Variants in PSMB7 observed in about 807,000 individuals in gnomAD.
PSMB7 encodes the protein proteasome subunit beta type-7.
In PSMB7, 5 loss-of-function variants were observed where a neutral mutation model predicts 28.1. The observed-to-expected ratio is 0.18, with a 90% CI of 0.09 to 0.37. The LOEUF (loss-of-function observed/expected upper bound fraction) is 0.37. Ranked by LOEUF, PSMB7 falls within the 10% of genes least tolerant of loss-of-function variation. The probability of loss-of-function intolerance (pLI) is 1.00; values close to 1 mark genes in which losing one functional copy is unlikely to be tolerated. For synonymous variants in PSMB7, 122 were observed against 123.7 expected, an observed-to-expected ratio of 0.99 and a Z score of 0.09; for missense variants, 275 against 346.2, an observed-to-expected ratio of 0.79 and a Z score of 1.63.
chr9:124,397,342 G>A lies in PSMB7; in HGVS notation c.511+7975C>T, dbSNP rs984384321. 1.8e-4 allele frequency among the ~76,000 whole-genome samples: 27 copies of A among 152,288 alleles called. 3 individuals carry two copies. The highest frequency in any genetic ancestry group is 1.0e-3 in the Admixed American group (16 of 15,296). On this transcript the variant is annotated intron_variant, in intron 5 of 7. Transcript: ENST00000259457. ...GGTTTTAGGGCAGAAACTGTCCAGGGGCCACACCACCAGGAGTCTGATATA... is the reference window on the plus strand; with the variant it reads ...GGTTTTAGGGCAGAAACTGTCCAGGAGCCACACCACCAGGAGTCTGATATA...
intron 4 of PSMB7, among the ~76,000 whole-genome samples, chr9:124,409,662 G>C (rs1260117803): frequency 6.6e-6 from 1 of 152,146 alleles, no homozygotes. Flanking sequence ...CTACGCAGTA[G>C]GCTCTGTAGT....
chr9:124,357,145 A>G (rs1366468151), intron 6 of PSMB7, among the ~76,000 whole-genome samples: 1 of 152,164 alleles, frequency 6.6e-6, no homozygotes, highest in East Asian at 1.9e-4. Flanking sequence ...TGACCACATC[A>G]GACAATCACC....
chr9:124,370,270 G>A (rs972561494), intron 6 of PSMB7, among the ~76,000 whole-genome samples: 1 of 149,900 alleles, frequency 6.7e-6, no homozygotes, highest in African/African-American at 2.5e-5. Context: ...AGGTATCCAG[G>A]GTATATTTGT....
intron 5 of PSMB7, among the ~76,000 whole-genome samples, chr9:124,402,037 A>G (rs1404455622): frequency 6.6e-6 from 1 of 150,888 alleles, no homozygotes; most frequent in Non-Finnish European, 1.5e-5. Flanking sequence ...AAAAAAGCTG[A>G]TAAATGAGTG....
At chr9:124,384,717 T>G in intron 5 of PSMB7, 61 bp from the exon 6 acceptor site, 1 of 1,538,500 alleles carries the variant, frequency 6.5e-7, no homozygotes, top group South Asian at 1.1e-5. Context: ...CCATCTCAAG[T>G]TTACCTAGGG....
chr9:124,357,848 G>A (rs1450280104), intron 6 of PSMB7, among the ~76,000 whole-genome samples: 1 of 152,196 alleles, frequency 6.6e-6, no homozygotes, highest in Admixed American at 6.5e-5. Flanking sequence ...TAAAGAGCAC[G>A]TGAAAAGGAG....
chr9:124,381,341 A>G (rs570249966), intron 6 of PSMB7, among the ~76,000 whole-genome samples: 3 of 152,388 alleles, frequency 2.0e-5, no homozygotes, highest in East Asian at 1.9e-4. Flanking sequence ...AGTTTATTTC[A>G]TAAGTCTGGC....
chr9:124,412,386 T>C lies in PSMB7; in HGVS notation c.361A>G (p.Thr121Ala). 6.2e-7 allele frequency: 1 copy of C among 1,614,178 alleles called. No individual in the cohort carries two copies. Among genetic ancestry groups the C allele is most frequent in the South Asian group, 1.1e-5 (1 of 91,078 alleles). ...ATCTGCTTCAGCATCCGATTGGCTGTCACAACTCTGGGAAGACGGCCAGTG... is the reference window on the plus strand; with the variant it reads ...ATCTGCTTCAGCATCCGATTGGCTGCCACAACTCTGGGAAGACGGCCAGTG... The part of the protein sequence containing the change: ...LSTGRLPRVV[T>A]ANRMLKQMLF... Residue 121 changes from threonine (T) to alanine (A), a missense_variant, in exon 4 of 8, where the codon ACA becomes GCA. Physicochemically the swap from Thr to Ala is moderately conservative, Grantham distance 58. Transcript: ENST00000259457.
intron 6 of PSMB7, among the ~76,000 whole-genome samples, chr9:124,368,626 TATC>T (rs1830531246): frequency 1.3e-5 from 2 of 152,212 alleles, no homozygotes; most frequent in Admixed American, 1.3e-4. Flanking sequence ...ATCAAAAAGA[TATC>T]ATTTAATTTT....
chr9:124,399,426 G>C (rs1055921455), intron 5 of PSMB7, among the ~76,000 whole-genome samples: 1 of 152,150 alleles, frequency 6.6e-6, no homozygotes, highest in Admixed American at 6.6e-5. Flanking sequence ...AGCCAGGAGG[G>C]AATGGCTTCT....
At chr9:124,392,707 T>C (rs1016699912) in intron 5 of PSMB7, among the ~76,000 whole-genome samples, 7 of 152,104 alleles carry the variant, frequency 4.6e-5, no homozygotes, top group African/African-American at 1.4e-4. Flanking sequence ...TTCATGGAAA[T>C]AGAGGTCTTC....
chr9:124,407,154 T>C (rs1830974591), intron 4 of PSMB7, among the ~76,000 whole-genome samples: 1 of 152,118 alleles, frequency 6.6e-6, no homozygotes, highest in Non-Finnish European at 1.5e-5. Flanking sequence ...CATACTGAAT[T>C]TGCCAAACGA....
chr9:124,364,316 C>T (rs769481783), intron 6 of PSMB7, among the ~76,000 whole-genome samples: 1 of 152,100 alleles, frequency 6.6e-6, no homozygotes, highest in Non-Finnish European at 1.5e-5. Context: ...TCTTCCTATC[C>T]CACCATTAGG....
intron 4 of PSMB7, among the ~76,000 whole-genome samples, chr9:124,407,741 T>C (rs1394718707): frequency 2.0e-5 from 3 of 152,084 alleles, no homozygotes; most frequent in Non-Finnish European, 4.4e-5. Flanking sequence ...CAGAAATGAA[T>C]GCACAAGGAT....
rs1465190532 is a variant in PSMB7 at position 124,414,894 on chromosome 9, T to C, written c.104A>G (p.Lys35Arg). 2.7e-5 allele frequency: 44 copies of C among 1,613,412 alleles called. No homozygotes were observed. Among genetic ancestry groups the C allele is most frequent in the Non-Finnish European group, 3.4e-5 (40 of 1,179,800 alleles). ...GCCAGTTTTCCGGACCTTTGGAAGC[T>C]TGTATCCCCTCTTTGCAAAATCGGC... Reference protein sequence around the residue: ...LEADFAKRGYKLPKVRKTGTT... With the variant: ...LEADFAKRGYRLPKVRKTGTT... Residue 35 changes from lysine to arginine, a missense_variant, in exon 2 of 8, where the codon AAG (lysine) becomes AGG (arginine). Lys to Arg is a conservative substitution (Grantham distance 26). Transcript: ENST00000259457.
At chr9:124,404,468 G>A (rs1830943576) in intron 5 of PSMB7, among the ~76,000 whole-genome samples, 1 of 152,128 alleles carries the variant, frequency 6.6e-6, no homozygotes, top group South Asian at 2.1e-4. Context: ...CCAGGGACCA[G>A]AAGTGTTTCA....
At chr9:124,394,880 A>G (rs1372453390) in intron 5 of PSMB7, among the ~76,000 whole-genome samples, 4 of 152,158 alleles carry the variant, frequency 2.6e-5, no homozygotes, top group Admixed American at 2.0e-4. Context: ...CAGCTGTTTT[A>G]TTCCTGGCAC....
intron 6 of PSMB7, among the ~76,000 whole-genome samples, chr9:124,359,211 C>T (rs117849156): frequency 0.019 from 2,828 of 152,110 alleles, 41 homozygotes; most frequent in Middle Eastern, 0.041. Context: ...TCCTTTCCTC[C>T]CCACCAATTC....
In PSMB7 at chr9:124,412,335, C is replaced by G; in HGVS notation, c.395+17G>C. ...GAGAAGAAGATACTAGTAGGAATCC[C>G]CATTCTGGAAACTTACCTGAAAAGC... On this transcript the variant is annotated intron_variant, in intron 4 of 7. Coordinates refer to ENST00000259457, the MANE Select transcript of PSMB7 (RefSeq NM_002799.4). 1 of 1,612,514 alleles carries G rather than the reference C, an allele frequency of 6.2e-7. No homozygotes were observed. The highest frequency in any genetic ancestry group is 8.5e-7 in the Non-Finnish European group (1 of 1,178,732).
Sources: gnomAD v4.1 joint callset for allele counts (sites outside exome capture counted in the v4.1 genomes callset) on GRCh38, gnomAD v4.1.1 for gene constraint, MANE v1.5 for transcripts, NCBI Gene and HGNC (gene_info 2026-07-23, HGNC 2026-07-21) for gene names.